Variants in CDKAL1 observed in about 807,000 individuals in gnomAD.
The protein encoded by CDKAL1 is CDKAL1 threonylcarbamoyladenosine tRNA methylthiotransferase, also known as threonylcarbamoyladenosine tRNA methylthiotransferase.
Under a neutral mutation model 68.2 loss-of-function variants are expected in CDKAL1, and 32 were observed. The observed-to-expected ratio is 0.47, with a 90% CI of 0.35 to 0.63. The LOEUF (loss-of-function observed/expected upper bound fraction) is 0.63. Among genes scored for constraint, CDKAL1 ranks in the 30% least tolerant of loss-of-function variants. The pLI, the probability that CDKAL1 is intolerant of heterozygous loss-of-function variation, is 0.00. For synonymous variants in CDKAL1, 234 were observed against 244.3 expected (o/e 0.96, Z 0.39); for missense variants, 606 against 696.7 (o/e 0.87, Z 1.47).
chr6:20,931,258 T>G (rs1052194468), intron 9 of CDKAL1, among the ~76,000 whole-genome samples: 5 of 152,234 alleles, frequency 3.3e-5, no homozygotes, highest in Non-Finnish European at 7.3e-5. Flanking sequence ...TTAAAGTCAC[T>G]TGAGCTTGGA....
At chr6:20,942,136 C>A (rs1763999509) in intron 9 of CDKAL1, among the ~76,000 whole-genome samples, 1 of 152,038 alleles carries the variant, frequency 6.6e-6, no homozygotes, top group Admixed American at 6.5e-5. Context: ...ATGGACTTTA[C>A]CAAAATTACC....
intron 5 of CDKAL1, among the ~76,000 whole-genome samples, chr6:20,700,976 T>C (rs1438816589): frequency 2.0e-5 from 3 of 152,020 alleles, no homozygotes; most frequent in African/African-American, 7.2e-5. Flanking sequence ...TATCTGACTT[T>C]AGTGAAGAGG....
rs531446739 is a variant in CDKAL1, at chr6:20,720,997, A to G, written c.372-18522A>G. Among the ~76,000 whole-genome samples, 1,199 of 152,160 alleles carry G rather than the reference A, an allele frequency of 7.9e-3. 13 individuals carry two copies. Among genetic ancestry groups the G allele is most frequent in the Non-Finnish European group, 0.011 (728 of 68,006 alleles). On this transcript the variant is annotated intron_variant, in intron 5 of 15. Transcript: ENST00000274695. ...TTTATTATACTTTAAGTTCTAGGGT[A>G]CATGTGCACAACGTGCAGGTTTGTT...
chr6:21,079,319 G>C (rs1772252890), intron 12 of CDKAL1, among the ~76,000 whole-genome samples: 1 of 152,166 alleles, frequency 6.6e-6, no homozygotes, highest in African/African-American at 2.4e-5. Context: ...GAGCTACTGA[G>C]TAGTAGTGAT....
At chr6:21,035,635 A>G (rs1282499996) in intron 11 of CDKAL1, among the ~76,000 whole-genome samples, 4 of 152,158 alleles carry the variant, frequency 2.6e-5, no homozygotes, top group Non-Finnish European at 5.9e-5. Flanking sequence ...ATCTGTTACT[A>G]AGAAGAATGA....
chr6:21,195,370 C>A (rs2151102025), intron 13 of CDKAL1, among the ~76,000 whole-genome samples: 1 of 152,240 alleles, frequency 6.6e-6, no homozygotes, highest in South Asian at 2.1e-4. Context: ...ACCACGTTGG[C>A]CAGGCTGGTC....
At chr6:20,652,414 G>A (rs1447692255) in intron 5 of CDKAL1, among the ~76,000 whole-genome samples, 1 of 152,074 alleles carries the variant, frequency 6.6e-6, no homozygotes, top group Non-Finnish European at 1.5e-5. Context: ...TTAAGTCCTT[G>A]CTTCTTTCTT....
At chr6:20,685,234 T>C (rs904325957) in intron 5 of CDKAL1, among the ~76,000 whole-genome samples, 10 of 152,216 alleles carry the variant, frequency 6.6e-5, no homozygotes, top group African/African-American at 2.4e-4. Context: ...GTCCAGTTGT[T>C]CTACCACCGT....
At chr6:21,104,586 G>A (rs1289607728) in intron 12 of CDKAL1, among the ~76,000 whole-genome samples, 2 of 151,870 alleles carry the variant, frequency 1.3e-5, no homozygotes, top group African/African-American at 4.8e-5. Context: ...CCCCTGTTCT[G>A]GATTCCAGAA....
At chr6:21,027,053 G>T (rs1197554251) in intron 11 of CDKAL1, among the ~76,000 whole-genome samples, 7 of 151,810 alleles carry the variant, frequency 4.6e-5, no homozygotes, top group African/African-American at 1.7e-4. Flanking sequence ...AATAGCTTTG[G>T]CATTCCTTTA....
intron 13 of CDKAL1, among the ~76,000 whole-genome samples, chr6:21,152,140 A>T (rs58547864): frequency 0.017 from 2,543 of 152,248 alleles, 73 homozygotes; most frequent in African/African-American, 0.056. Context: ...TTCATTCATG[A>T]TCTTTTTTCT....
chr6:20,541,515 G>A (rs578252444), intron 2 of CDKAL1, among the ~76,000 whole-genome samples: 72 of 152,154 alleles, frequency 4.7e-4, no homozygotes, highest in Non-Finnish European at 6.9e-4. Flanking sequence ...TAACACTAGC[G>A]TAGAATCCTC....
intron 5 of CDKAL1, among the ~76,000 whole-genome samples, chr6:20,670,660 A>G (rs961206547): frequency 6.6e-6 from 1 of 152,160 alleles, no homozygotes; most frequent in Non-Finnish European, 1.5e-5. Context: ...TTATTCAATT[A>G]TTTATGTCAG....
At chr6:20,561,409 T>A (rs1764259849) in intron 4 of CDKAL1, among the ~76,000 whole-genome samples, 1 of 119,192 alleles carries the variant, frequency 8.4e-6, no homozygotes, top group Non-Finnish European at 1.6e-5. Context: ...AACACTGCAC[T>A]CCAGCCTGGG....
chr6:20,799,369 A>G (rs894001112), intron 8 of CDKAL1, among the ~76,000 whole-genome samples: 7 of 151,908 alleles, frequency 4.6e-5, no homozygotes, highest in Admixed American at 1.3e-4. Context: ...GAGCTTTTGA[A>G]CTGTTGCTAA....
chr6:20,916,579 G>A (rs991489214), intron 9 of CDKAL1, among the ~76,000 whole-genome samples: 11 of 152,156 alleles, frequency 7.2e-5, no homozygotes, highest in African/African-American at 2.4e-4. Context: ...CAGGAAGATT[G>A]GATGCAGAGG....
At chr6:21,150,137 C>T (rs990793118) in intron 13 of CDKAL1, among the ~76,000 whole-genome samples, 6 of 152,118 alleles carry the variant, frequency 3.9e-5, no homozygotes, top group African/African-American at 1.2e-4. Flanking sequence ...GGATTACAGG[C>T]GGGAGCCACC....
chr6:20,974,133 G>T (rs1765728714), intron 10 of CDKAL1, among the ~76,000 whole-genome samples: 1 of 152,194 alleles, frequency 6.6e-6, no homozygotes, highest in African/African-American at 2.4e-5. Context: ...GCTGTCTTCA[G>T]TGTGTGCCTT....
intron 5 of CDKAL1, among the ~76,000 whole-genome samples, chr6:20,705,954 C>T (rs756607793): frequency 1.3e-5 from 2 of 152,106 alleles, no homozygotes; most frequent in Non-Finnish European, 2.9e-5. Context: ...ACTGGTGAGG[C>T]AGTTATTGAC....
Sources: allele counts gnomAD v4.1 joint callset (sites outside exome capture counted in the v4.1 genomes callset), GRCh38; gene constraint gnomAD v4.1.1; transcripts MANE v1.5; gene names NCBI Gene and HGNC (gene_info 2026-07-23, HGNC 2026-07-21).